Variants in IARS1 observed in about 807,000 individuals in gnomAD.
IARS1 encodes isoleucine--tRNA ligase, cytoplasmic.
A neutral mutation model predicts 168.2 loss-of-function variants in IARS1; 124 were observed. The observed-to-expected ratio is 0.74, with a 90% confidence interval of 0.64 to 0.86. IARS1 has a LOEUF of 0.86. Ranked by LOEUF, IARS1 falls within the 40% of genes least tolerant of loss-of-function variation. The pLI, the probability that IARS1 is intolerant of heterozygous loss-of-function variation, is 0.00. For missense variants in IARS1, 1,452 were observed against 1,515.8 expected (o/e 0.96, Z 0.70); for synonymous variants, 532 against 529.4 (o/e 1.00, Z -0.07).
chr9:92,218,827 G>A (rs1163338381), intron 33 of IARS1, among the ~76,000 whole-genome samples: 3 of 150,966 alleles, frequency 2.0e-5, no homozygotes, highest in East Asian at 3.9e-4. Flanking sequence ...AATCAATATC[G>A]TGAAAATGGT....
intron 31 of IARS1, among the ~76,000 whole-genome samples, chr9:92,224,176 T>G (rs2133417289): frequency 6.6e-6 from 1 of 152,340 alleles, no homozygotes; most frequent in Middle Eastern, 3.4e-3. Flanking sequence ...CAGGACTGGC[T>G]GGCAGAGAAA....
At chr9:92,244,194 G>A (rs980995440) in intron 27 of IARS1, among the ~76,000 whole-genome samples, 1 of 152,192 alleles carries the variant, frequency 6.6e-6, no homozygotes, top group Non-Finnish European at 1.5e-5. Context: ...TAATGAGGAA[G>A]AACTGCCCAC....
At chr9:92,260,707 T>G (rs1831404055) in intron 17 of IARS1, among the ~76,000 whole-genome samples, 1 of 151,888 alleles carries the variant, frequency 6.6e-6, no homozygotes, top group Admixed American at 6.6e-5. Context: ...TTGTTAATAT[T>G]TGCAAACTTC....
intron 1 of IARS1, among the ~76,000 whole-genome samples, chr9:92,291,685 T>C (rs145774550): frequency 8.3e-4 from 127 of 152,344 alleles, no homozygotes; most frequent in African/African-American, 2.8e-3. Flanking sequence ...TTTAGGTTCA[T>C]TGTGTACCTT....
rs375994071 is a variant in IARS1 at position 92,278,180 on chromosome 9, C to T, written c.833+19G>A. The T allele has an allele frequency of 1.7e-5, 25 of 1,436,362 alleles. No individual in the cohort carries two copies. Among genetic ancestry groups the T allele is most frequent in the Non-Finnish European group, 2.3e-5 (23 of 1,018,096 alleles). The allele number at this position is 1,436,362 out of a possible 1,614,324, so 89.0% of individuals were successfully genotyped here. A position where few individuals can be genotyped will look rare whatever the true frequency, so the allele number is the denominator to read the frequency against. On this transcript the variant is annotated intron_variant, in intron 8 of 33. Transcript: ENST00000443024. ...CAGACACATGCACACAAACACAGAG[C>T]AACTATTTGAATATTCACCTTTCAA...
At chr9:92,262,904 C>T (rs892932032) in intron 17 of IARS1, 65 bp downstream of exon 17, 23 of 1,163,134 alleles carry the variant, frequency 2.0e-5, no homozygotes, top group African/African-American at 7.5e-5. Context: ...ACCGCTCTCA[C>T]GCACTCCTTC....
At chr9:92,289,966 T>C (rs1485492145) in intron 1 of IARS1, among the ~76,000 whole-genome samples, 2 of 152,234 alleles carry the variant, frequency 1.3e-5, no homozygotes, top group Non-Finnish European at 2.9e-5. Flanking sequence ...ATTTCTTGGA[T>C]ACCTGTATTG....
intron 17 of IARS1, 88 bp downstream of exon 17, chr9:92,262,881 T>C (rs778383415): frequency 1.1e-6 from 1 of 900,908 alleles, no homozygotes; most frequent in Non-Finnish European, 1.8e-6. Context: ...CACCTGTCAC[T>C]ACAACAAAGT....
chr9:92,284,131 C>T (rs867529062), intron 6 of IARS1, among the ~76,000 whole-genome samples: 5 of 152,154 alleles, frequency 3.3e-5, no homozygotes, highest in Admixed American at 2.0e-4. Flanking sequence ...TAGCCGAGAT[C>T]GTGCCACTGC....
intron 32 of IARS1, 89 bp from the exon 33 acceptor site, chr9:92,222,761 C>G (rs977899325): frequency 3.6e-6 from 5 of 1,388,424 alleles, no homozygotes; most frequent in East Asian, 4.6e-5. Context: ...CTCTAACAGG[C>G]AGTGCTGAGG....
chr9:92,292,181 C>CTTTTTTTTTTTTTT (rs57075703), intron 1 of IARS1, among the ~76,000 whole-genome samples: 51 of 118,024 alleles, frequency 4.3e-4, no homozygotes, highest in African/African-American at 1.6e-3. Flanking sequence ...CCACACTCAG[C>CTTTTTTTTTTTTTT]TTTTTTTTTT....
intron 33 of IARS1, among the ~76,000 whole-genome samples, chr9:92,214,128 T>C (rs1005556039): frequency 6.6e-6 from 1 of 151,900 alleles, no homozygotes; most frequent in African/African-American, 2.4e-5. Context: ...TCCAAAATGA[T>C]TGAGTTTAAA....
intron 30 of IARS1, among the ~76,000 whole-genome samples, chr9:92,229,385 ACAC>A (rs939369590): frequency 2.7e-5 from 4 of 149,880 alleles, no homozygotes; most frequent in East Asian, 3.9e-4. Context: ...ACACACACAC[ACAC>A]ATCTCCATCC....
At chr9:92,215,188 C>A (rs1472974874) in intron 33 of IARS1, among the ~76,000 whole-genome samples, 1 of 152,198 alleles carries the variant, frequency 6.6e-6, no homozygotes, top group Non-Finnish European at 1.5e-5. Context: ...GCAGGGTATT[C>A]CAACAGACTT....
intron 6 of IARS1, among the ~76,000 whole-genome samples, chr9:92,284,508 C>T (rs115698200): frequency 1.5e-3 from 224 of 152,142 alleles, no homozygotes; most frequent in African/African-American, 4.7e-3. Flanking sequence ...CCAAACAGGC[C>T]GGGCGCAATG....
intron 9 of IARS1, among the ~76,000 whole-genome samples, chr9:92,276,514 A>G (rs1254192653): frequency 5.3e-5 from 8 of 152,184 alleles, no homozygotes; most frequent in Non-Finnish European, 1.2e-4. Flanking sequence ...GAGGAGGAAG[A>G]AGGCTATCAA....
chr9:92,238,183 C>T (rs781142361), intron 30 of IARS1, among the ~76,000 whole-genome samples: 1 of 152,146 alleles, frequency 6.6e-6, no homozygotes, highest in Non-Finnish European at 1.5e-5. Context: ...GGATTACAGG[C>T]GTGAGCCACT....
chr9:92,224,857 T>A (rs376686099), intron 31 of IARS1, among the ~76,000 whole-genome samples: 2 of 80,982 alleles, frequency 2.5e-5, no homozygotes, highest in African/African-American at 7.4e-5. Flanking sequence ...AAAAAATAAA[T>A]AATAATAATC....
intron 14 of IARS1, 80 bp downstream of exon 14, chr9:92,268,094 A>G (rs1302979850): frequency 7.0e-7 from 1 of 1,425,402 alleles, no homozygotes; most frequent in South Asian, 1.5e-5. Context: ...AAAACACCCT[A>G]TTCTTTTAAA....
Sources: gnomAD v4.1 joint callset for allele counts (sites outside exome capture counted in the v4.1 genomes callset) on GRCh38, gnomAD v4.1.1 for gene constraint, MANE v1.5 for transcripts, NCBI Gene and HGNC (gene_info 2026-07-23, HGNC 2026-07-21) for gene names.